Variants in GAP43 observed in about 807,000 individuals in gnomAD.
GAP43 encodes neuromodulin.
A neutral mutation model predicts 18.6 loss-of-function variants in GAP43; 6 were observed. The ratio of observed to expected loss-of-function variants is 0.32; its 90% CI spans 0.18 to 0.64. The LOEUF (loss-of-function observed/expected upper bound fraction) is 0.64, where lower values mean the gene tolerates loss of function less well. Ranked by LOEUF, GAP43 falls within the 30% of genes least tolerant of loss-of-function variation. The pLI is 0.78. For missense variants in GAP43, 292 were observed against 295.5 expected (o/e 0.99, Z 0.09); for synonymous variants, 115 against 111.4 (o/e 1.03, Z -0.20).
intron 1 of GAP43, chr3:115,658,705 C>T (rs528470782): frequency 3.3e-5 from 5 of 152,244 alleles, no homozygotes; most frequent in Non-Finnish European, 7.3e-5. Context: ...GGGGAGGCCT[C>T]TTGCTCCCCG....
At chr3:115,658,127 T>C (rs997129792) in intron 1 of GAP43, among the ~76,000 whole-genome samples, 5 of 152,106 alleles carry the variant, frequency 3.3e-5, no homozygotes, top group Non-Finnish European at 7.3e-5. Flanking sequence ...CTGAAGCCCA[T>C]CCTTAGACCC....
chr3:115,638,108 C>T (rs564885101), intron 1 of GAP43, among the ~76,000 whole-genome samples: 22 of 152,134 alleles, frequency 1.4e-4, no homozygotes, highest in African/African-American at 5.3e-4. Flanking sequence ...CAATACTCTA[C>T]CCCTATAATC....
At chr3:115,639,352 A>G (rs1708368959) in intron 1 of GAP43, among the ~76,000 whole-genome samples, 1 of 152,092 alleles carries the variant, frequency 6.6e-6, no homozygotes, top group South Asian at 2.1e-4. Context: ...ACTTCTTAAT[A>G]TCTGGGCTAA....
intron 1 of GAP43, among the ~76,000 whole-genome samples, chr3:115,638,937 C>T (rs932802902): frequency 6.6e-6 from 1 of 152,060 alleles, no homozygotes; most frequent in African/African-American, 2.4e-5. Flanking sequence ...ATGTATATGT[C>T]TATCTCTTTT....
rs531497912 is a variant in GAP43 at position 115,664,739 on chromosome 3, A to G, written c.31-11274A>G. ...GCATGAGCAACAAGAACAAACTTAGATCCAAAATTAACAGTTAAAGATTTT... is the reference window on the plus strand; with the variant it reads ...GCATGAGCAACAAGAACAAACTTAGGTCCAAAATTAACAGTTAAAGATTTT... On this transcript the variant is annotated intron_variant, in intron 1 of 2. Transcript: ENST00000305124. Among the ~76,000 whole-genome samples, 14 of 152,284 alleles carry G rather than the reference A, an allele frequency of 9.2e-5. No homozygotes were observed. In the South Asian group the frequency reaches 2.9e-3, roughly 32 times the overall value.
At chr3:115,637,920 C>T (rs1006699053) in intron 1 of GAP43, among the ~76,000 whole-genome samples, 24 of 151,916 alleles carry the variant, frequency 1.6e-4, no homozygotes, top group African/African-American at 4.1e-4. Context: ...AAGTAAAAAC[C>T]AAATAAATAA....
At chr3:115,669,272 G>T (rs1357361542) in intron 1 of GAP43, among the ~76,000 whole-genome samples, 1 of 151,998 alleles carries the variant, frequency 6.6e-6, no homozygotes, top group Non-Finnish European at 1.5e-5. Context: ...TATAATTGGG[G>T]AATCATATAC....
At chr3:115,719,948 T>G (rs927537807) in intron 2 of GAP43, among the ~76,000 whole-genome samples, 15 of 152,080 alleles carry the variant, frequency 9.9e-5, no homozygotes, top group Non-Finnish European at 7.4e-5. Flanking sequence ...AAAGGGAAAA[T>G]TTTTCTTCAA....
chr3:115,637,804 G>C (rs1708348325), intron 1 of GAP43, among the ~76,000 whole-genome samples: 1 of 151,958 alleles, frequency 6.6e-6, no homozygotes, highest in South Asian at 2.1e-4. Flanking sequence ...ACCATGTCTT[G>C]CTCCCAAATC....
At chr3:115,658,053 A>G (rs1193596300) in intron 1 of GAP43, among the ~76,000 whole-genome samples, 2 of 152,194 alleles carry the variant, frequency 1.3e-5, no homozygotes, top group African/African-American at 4.8e-5. Flanking sequence ...TAAAAAAGCT[A>G]TGAGCATTCA....
In GAP43 at chr3:115,629,457, G is replaced by A. The variant is rs544379985; in HGVS notation, c.30+5738G>A. ...CACCATGCCAAGATTTCAGGCCTTG[G>A]TGCCTTCGCTTGTACTCCACTCTCT... On this transcript the variant is annotated intron_variant, in intron 1 of 2. Transcript: ENST00000305124. Among the ~76,000 whole-genome samples, 3 of 149,720 alleles carry A rather than the reference G, an allele frequency of 2.0e-5. No homozygotes were observed. In the East Asian group the frequency reaches 5.9e-4, roughly 29 times the overall value.
At chr3:115,667,760 T>G (rs1708752579) in intron 1 of GAP43, among the ~76,000 whole-genome samples, 1 of 152,196 alleles carries the variant, frequency 6.6e-6, no homozygotes, top group Non-Finnish European at 1.5e-5. Context: ...TTTTTCTTGA[T>G]GCATTGGCTT....
chr3:115,688,472 A>G (rs956671614), intron 2 of GAP43, among the ~76,000 whole-genome samples: 3 of 151,146 alleles, frequency 2.0e-5, no homozygotes, highest in Non-Finnish European at 4.4e-5. Context: ...CTCTATCTAT[A>G]CAATTTTGGA....
intron 2 of GAP43, among the ~76,000 whole-genome samples, chr3:115,714,708 GTTT>G (rs5851973): frequency 1.4e-5 from 2 of 146,984 alleles, no homozygotes; most frequent in African/African-American, 2.5e-5. Context: ...TTTGTTTATT[GTTT>G]TTTTTTTTTA....
At chr3:115,660,874 T>C (rs1212980135) in intron 1 of GAP43, among the ~76,000 whole-genome samples, 1 of 152,204 alleles carries the variant, frequency 6.6e-6, no homozygotes, top group Non-Finnish European at 1.5e-5. Context: ...TCCTTCTTGC[T>C]GAGGGAACAG....
intron 2 of GAP43, among the ~76,000 whole-genome samples, chr3:115,713,625 G>A (rs904291500): frequency 6.6e-6 from 1 of 152,324 alleles, no homozygotes; most frequent in Middle Eastern, 3.4e-3. Flanking sequence ...TCCTTTCAAG[G>A]AAATGAATGG....
intron 2 of GAP43, among the ~76,000 whole-genome samples, chr3:115,720,511 C>A (rs1577006243): frequency 6.6e-6 from 1 of 152,160 alleles, no homozygotes; most frequent in East Asian, 1.9e-4. Context: ...GATTGTAAGG[C>A]TGAGAGATTA....
intron 2 of GAP43, among the ~76,000 whole-genome samples, chr3:115,716,717 A>ATATATATATAT (rs1709507824): frequency 4.6e-5 from 2 of 43,894 alleles, no homozygotes; most frequent in Non-Finnish European, 8.8e-5. Context: ...ATCTCAGACA[A>ATATATATATAT]ATATATATAT....
chr3:115,661,969 G>A (rs991923765), intron 1 of GAP43, among the ~76,000 whole-genome samples: 1 of 151,466 alleles, frequency 6.6e-6, no homozygotes, highest in African/African-American at 2.4e-5. Flanking sequence ...GATAAGCAAT[G>A]GGAATGTCTA....
Sources: allele counts gnomAD v4.1 joint callset (sites outside exome capture counted in the v4.1 genomes callset), GRCh38; gene constraint gnomAD v4.1.1; transcripts MANE v1.5; gene names NCBI Gene and HGNC (gene_info 2026-07-23, HGNC 2026-07-21).